POU6F2: variants seen among roughly 807,000 people sequenced by gnomAD.
POU6F2 encodes the protein POU class 6 homeobox 2, also known as POU domain, class 6, transcription factor 2.
POU6F2 carries 31 observed loss-of-function variants against 71.3 expected under a neutral mutation model. That is an observed-to-expected ratio of 0.43 (90% confidence interval 0.33 to 0.59). The LOEUF is 0.59. Among genes scored for constraint, POU6F2 ranks in the 20% least tolerant of loss-of-function variants. The pLI is 0.04. For synonymous variants in POU6F2, 347 were observed against 355.7 expected (o/e 0.98, Z 0.27); for missense variants, 783 against 856.8 (o/e 0.91, Z 1.07).
chr7:39,082,522 A>G (rs1791141724), intron 1 of POU6F2, among the ~76,000 whole-genome samples: 1 of 152,226 alleles, frequency 6.6e-6, no homozygotes, highest in Admixed American at 6.5e-5. Context: ...GGTCTCTTAC[A>G]TTTCTACAAG....
intron 4 of POU6F2, among the ~76,000 whole-genome samples, chr7:39,230,464 A>G (rs1794554267): frequency 6.6e-6 from 1 of 151,884 alleles, no homozygotes; most frequent in Non-Finnish European, 1.5e-5. Context: ...AGCCTGGGTG[A>G]CAGCATAAGA....
chr7:39,256,261 G>A lies in POU6F2; in HGVS notation c.598+48641G>A, dbSNP rs1055724486. ...ACCTTGCACACAGCAGGCCCTCAACGAGTGCTTAGAACAAGAAGGGTGGAA... is the reference window on the plus strand; with the variant it reads ...ACCTTGCACACAGCAGGCCCTCAACAAGTGCTTAGAACAAGAAGGGTGGAA... On this transcript the variant is annotated intron_variant, in intron 4 of 9. Coordinates refer to ENST00000518318, the MANE Select transcript of POU6F2 (RefSeq NM_001370959.1). Among the ~76,000 whole-genome samples the A allele has an allele frequency of 5.3e-5, 8 of 152,054 alleles. No individual in the cohort carries two copies. In the East Asian group the frequency reaches 1.4e-3, roughly 26 times the overall value.
intron 2 of POU6F2, among the ~76,000 whole-genome samples, chr7:39,097,722 G>A (rs1178340447): frequency 4.0e-5 from 6 of 151,844 alleles, no homozygotes; most frequent in Admixed American, 3.9e-4. Context: ...ACTCAGTAGA[G>A]AAGACACCAC....
At chr7:38,981,707 A>C (rs927918239) in intron 1 of POU6F2, among the ~76,000 whole-genome samples, 5 of 152,228 alleles carry the variant, frequency 3.3e-5, no homozygotes, top group African/African-American at 1.2e-4. Context: ...TTAGAAGTGC[A>C]GTAAAAAGCT....
chr7:39,151,762 C>T (rs1260855857), intron 2 of POU6F2, among the ~76,000 whole-genome samples: 1 of 152,166 alleles, frequency 6.6e-6, no homozygotes, highest in East Asian at 1.9e-4. Flanking sequence ...TAATCCCATG[C>T]CCTTAACTGT....
intron 4 of POU6F2, among the ~76,000 whole-genome samples, chr7:39,310,044 C>G (rs961311743): frequency 1.3e-5 from 2 of 152,102 alleles, no homozygotes; most frequent in Admixed American, 1.3e-4. Context: ...GATCACATAA[C>G]AAAAGCCTGC....
At chr7:39,373,876 AAG>A (rs1015562384) in intron 5 of POU6F2, among the ~76,000 whole-genome samples, 10 of 152,218 alleles carry the variant, frequency 6.6e-5, no homozygotes, top group African/African-American at 7.2e-5. Flanking sequence ...TCATTCCAAA[AAG>A]AAGTTTTTTT....
At chr7:39,165,400 A>C (rs1446722407) in intron 2 of POU6F2, among the ~76,000 whole-genome samples, 1 of 152,216 alleles carries the variant, frequency 6.6e-6, no homozygotes, top group Non-Finnish European at 1.5e-5. Flanking sequence ...GATGCCTTAC[A>C]TGAGTCCCTG....
chr7:39,184,017 A>G (rs1237539085), intron 2 of POU6F2, among the ~76,000 whole-genome samples: 1 of 152,180 alleles, frequency 6.6e-6, no homozygotes, highest in Non-Finnish European at 1.5e-5. Context: ...TGACACCTGC[A>G]TTCCCCATTA....
intron 1 of POU6F2, among the ~76,000 whole-genome samples, chr7:39,063,112 A>T: frequency 6.6e-6 from 1 of 152,218 alleles, no homozygotes; most frequent in East Asian, 1.9e-4. Context: ...GCTACAAGAC[A>T]AAAAGAAACA....
At chr7:39,284,778 A>C (rs957493565) in intron 4 of POU6F2, among the ~76,000 whole-genome samples, 1 of 152,190 alleles carries the variant, frequency 6.6e-6, no homozygotes, top group African/African-American at 2.4e-5. Context: ...TTTTCTTCCT[A>C]ATTCAAGTTA....
intron 1 of POU6F2, among the ~76,000 whole-genome samples, chr7:39,021,639 G>A (rs1470212780): frequency 3.3e-5 from 5 of 151,712 alleles, no homozygotes; most frequent in Admixed American, 6.6e-5. Context: ...TTCCCAAAAT[G>A]TTTACTACAA....
chr7:39,307,388 A>G (rs1479052759), intron 4 of POU6F2, among the ~76,000 whole-genome samples: 3 of 152,208 alleles, frequency 2.0e-5, no homozygotes, highest in Non-Finnish European at 4.4e-5. Context: ...AAAGTTAGAA[A>G]GGCCATAAAC....
At chr7:39,432,690 TG>T (rs1291069324) in intron 6 of POU6F2, among the ~76,000 whole-genome samples, 1 of 151,860 alleles carries the variant, frequency 6.6e-6, no homozygotes, top group Non-Finnish European at 1.5e-5. Context: ...CCCCCGGGGT[TG>T]GGGGGTGGTG....
At chr7:39,437,095 G>A (rs1324822252) in intron 7 of POU6F2, among the ~76,000 whole-genome samples, 9 of 152,136 alleles carry the variant, frequency 5.9e-5, no homozygotes, top group Admixed American at 2.0e-4. Context: ...TTTGTGTTGT[G>A]TCTCTTCCCG....
Position 39,028,324 on chromosome 7 carries a change from A to G in POU6F2, c.105+50266A>G, listed in dbSNP as rs1789863802. Among the ~76,000 whole-genome samples the G allele has an allele frequency of 2.0e-5, 3 of 152,120 alleles. No homozygotes were observed. The South Asian group carries it at 6.2e-4, about 31-fold the overall frequency. On this transcript the variant is annotated intron_variant, in intron 1 of 9. Transcript: ENST00000518318. Reference sequence around the variant, plus strand: ...CGGACATTTTTTAATTTTGATGCAGATGAAGTTAATTTTAAAACTATTTCA... The same window carrying G: ...CGGACATTTTTTAATTTTGATGCAGGTGAAGTTAATTTTAAAACTATTTCA...
intron 6 of POU6F2, among the ~76,000 whole-genome samples, chr7:39,416,923 A>C (rs1027981501): frequency 5.9e-5 from 9 of 152,238 alleles, no homozygotes; most frequent in African/African-American, 2.2e-4. Flanking sequence ...ATAAGACCAT[A>C]CAATGGGCTG....
chr7:39,292,155 A>G (rs1469454806), intron 4 of POU6F2, among the ~76,000 whole-genome samples: 1 of 152,166 alleles, frequency 6.6e-6, no homozygotes, highest in African/African-American at 2.4e-5. Flanking sequence ...TAGCAACTGG[A>G]AATAACTGAT....
chr7:39,056,269 T>C (rs1790516645), intron 1 of POU6F2, among the ~76,000 whole-genome samples: 1 of 152,104 alleles, frequency 6.6e-6, no homozygotes, highest in South Asian at 2.1e-4. Flanking sequence ...TTTTTATTTT[T>C]GTGACAATTT....
Sources: gnomAD v4.1 joint callset for allele counts (sites outside exome capture counted in the v4.1 genomes callset) on GRCh38, gnomAD v4.1.1 for gene constraint, MANE v1.5 for transcripts, NCBI Gene and HGNC (gene_info 2026-07-23, HGNC 2026-07-21) for gene names.